RPL31: variants seen among roughly 807,000 people sequenced by gnomAD.
The protein encoded by RPL31 is large ribosomal subunit protein eL31.
For missense variants in RPL31, 95 were observed against 164.0 expected (o/e 0.58, Z 2.30); for synonymous variants, 51 against 55.0 (o/e 0.93, Z 0.32).
At chr2:101,004,352 G>T in intron 3 of RPL31, 69 bp downstream of exon 3, 1 of 1,547,160 alleles carries the variant, frequency 6.5e-7, no homozygotes, top group Non-Finnish European at 8.8e-7. Context: ...CCCTGCAAGA[G>T]CCCATATCAG....
intron 4 of RPL31, among the ~76,000 whole-genome samples, chr2:101,017,271 A>AT (rs1459210414): frequency 6.6e-6 from 1 of 151,826 alleles, no homozygotes; most frequent in African/African-American, 2.4e-5. Flanking sequence ...TTTACAGTTT[A>AT]TTTTTTTTAA....
intron 4 of RPL31, chr2:101,018,003 A>C: frequency 2.1e-6 from 3 of 1,432,708 alleles, no homozygotes; most frequent in Non-Finnish European, 2.9e-6. Context: ...TCGCAATTCT[A>C]CTTCAAGCAT....
At chr2:101,003,731 C>A (rs560636546) in intron 2 of RPL31, among the ~76,000 whole-genome samples, 1 of 152,218 alleles carries the variant, frequency 6.6e-6, no homozygotes, top group South Asian at 2.1e-4. Context: ...CAGGCCCCTG[C>A]TCTTTAAGCA....
chr2:101,012,793 A>C (rs1281780436), intron 4 of RPL31, among the ~76,000 whole-genome samples: 2 of 152,212 alleles, frequency 1.3e-5, no homozygotes, highest in Non-Finnish European at 2.9e-5. Flanking sequence ...TTCACTGAAA[A>C]TAAATCAAAG....
At chr2:101,010,377 T>C (rs994601279), downstream of RPL31, among the ~76,000 whole-genome samples, 2 of 152,158 alleles carry the variant, frequency 1.3e-5, no homozygotes, top group African/African-American at 4.8e-5. Context: ...GGAATAAATC[T>C]GTATCACAAC....
chr2:101,008,683 A>G (rs1351443837), downstream of RPL31, among the ~76,000 whole-genome samples: 5 of 152,046 alleles, frequency 3.3e-5, no homozygotes, highest in Non-Finnish European at 5.9e-5. Flanking sequence ...ATGGTGACCC[A>G]TGCCTGCAAT....
At chr2:101,018,030 T>C in intron 4 of RPL31, 1 of 1,194,262 alleles carries the variant, frequency 8.4e-7, no homozygotes, top group Non-Finnish European at 1.2e-6. Flanking sequence ...ATTCTACATA[T>C]CAACCCCTTT....
chr2:101,008,161 C>T (rs1678883684), downstream of RPL31: 1 of 1,613,730 alleles, frequency 6.2e-7, no homozygotes, highest in Non-Finnish European at 8.5e-7. Flanking sequence ...CCCCACCTCC[C>T]CGATCTGCAG....
downstream of RPL31, chr2:101,007,708 G>A: frequency 3.7e-6 from 4 of 1,093,132 alleles, no homozygotes; most frequent in South Asian, 6.1e-5. Context: ...TGTTTAGCCA[G>A]ATGCCCCATT....
chr2:101,008,116 T>C, downstream of RPL31: 1 of 1,613,756 alleles, frequency 6.2e-7, no homozygotes, highest in South Asian at 1.1e-5. Flanking sequence ...CTCCCCACAC[T>C]CCTGGGAGCA....
intron 4 of RPL31, among the ~76,000 whole-genome samples, chr2:101,015,558 TTATTCTA>T (rs2105367464): frequency 6.6e-6 from 1 of 152,368 alleles, no homozygotes; most frequent in South Asian, 2.1e-4. Flanking sequence ...CTTTATATTC[TTATTCTA>T]TAAACATTTT....
At chr2:101,011,118 G>A (rs1679177356), downstream of RPL31, 1 of 1,232,460 alleles carries the variant, frequency 8.1e-7, no homozygotes, top group African/African-American at 1.5e-5. Context: ...GCAAGGGGGT[G>A]AGGAATTCCA....
downstream of RPL31, among the ~76,000 whole-genome samples, chr2:101,009,288 C>G (rs1678996137): frequency 6.6e-6 from 1 of 151,874 alleles, no homozygotes; most frequent in Non-Finnish European, 1.5e-5. Context: ...CGCCTGTAGT[C>G]CCAGCTACTC....
Position 101,015,514 on chromosome 2 carries a change from CACAA to C in RPL31, c.347-3480_347-3477del, listed in dbSNP as rs370449381. Among the ~76,000 whole-genome samples the C allele has an allele frequency of 3.5e-3, 528 of 152,320 alleles. 2 individuals are homozygous for C. Among genetic ancestry groups the C allele is most frequent in the African/African-American group, 0.012 (495 of 41,562 alleles). ...TTTTGTAATAACACTTGCCTTAAAA[CACAA>C]ACACATTGTACAGCTGTGAAAAATA... On this transcript the variant is annotated intron_variant, in intron 4 of 4. Coordinates refer to the RPL31 transcript ENST00000409028.
At chr2:101,002,575 C>G in intron 1 of RPL31, 127 bp from the exon 2 acceptor site, 4 of 763,290 alleles carry the variant, frequency 5.2e-6, no homozygotes, top group Non-Finnish European at 8.8e-6. Context: ...CACTGGGTGA[C>G]CGACTTAGCC....
At chr2:101,018,757 G>C (rs1352724510) in intron 4 of RPL31, among the ~76,000 whole-genome samples, 4 of 152,186 alleles carry the variant, frequency 2.6e-5, no homozygotes, top group Admixed American at 6.5e-5. Flanking sequence ...TCATTTGTGT[G>C]TGTCCATTTT....
chr2:101,007,137 A>G lies in RPL31; in HGVS notation c.*756A>G, dbSNP rs1678778551. 1 of 152,316 alleles carries G rather than the reference A, an allele frequency of 6.6e-6. No homozygotes were observed. Among genetic ancestry groups the G allele is most frequent in the Non-Finnish European group, 1.5e-5 (1 of 68,162 alleles). The allele number at this position is 152,316 out of a possible 1,614,324, so 9.4% of individuals were successfully genotyped here. ...GTGTTGCACCACCCAAAAACCATGG[A>G]TGGGCAGCAGCAACATCTCCAGCTT... On this transcript the variant is annotated 3_prime_UTR_variant, in exon 5 of 5. Transcript: ENST00000264258.
chr2:101,016,148 G>A (rs1679617248), intron 4 of RPL31, among the ~76,000 whole-genome samples: 1 of 152,168 alleles, frequency 6.6e-6, no homozygotes, highest in Non-Finnish European at 1.5e-5. Flanking sequence ...TCTTCAAAAT[G>A]GGAGAAAATT....
chr2:101,010,910 C>A, downstream of RPL31: 1 of 1,580,308 alleles, frequency 6.3e-7, no homozygotes, highest in South Asian at 1.1e-5. Flanking sequence ...TAATTCTCTG[C>A]ACTGAAGAAA....
Sources: gnomAD v4.1 joint callset for allele counts (sites outside exome capture counted in the v4.1 genomes callset) on GRCh38, gnomAD v4.1.1 for gene constraint, MANE v1.5 for transcripts, NCBI Gene and HGNC (gene_info 2026-07-23, HGNC 2026-07-21) for gene names.